Variants in TRIM67 observed in about 807,000 individuals in gnomAD.
The protein encoded by TRIM67 is tripartite motif containing 67, also known as tripartite motif-containing protein 67.
A neutral mutation model predicts 71.0 loss-of-function variants in TRIM67; 39 were observed. The observed-to-expected ratio is 0.55, with a 90% CI of 0.43 to 0.72. The LOEUF (loss-of-function observed/expected upper bound fraction) is 0.72, where lower values mean the gene tolerates loss of function less well. TRIM67 is among the 30% of genes least tolerant of loss of function. TRIM67 has a pLI of 0.00. For missense variants in TRIM67, 973 were observed against 1,079.2 expected (o/e 0.90, Z 1.38); for synonymous variants, 481 against 473.9 (o/e 1.01, Z -0.19).
chr1:231,175,073 T>A (rs1682709821), intron 1 of TRIM67, among the ~76,000 whole-genome samples: 1 of 152,194 alleles, frequency 6.6e-6, no homozygotes, highest in African/African-American at 2.4e-5. Context: ...TCCCACACAA[T>A]AAAGAGAACT....
At chr1:231,214,297 G>A (rs2102766262) in intron 9 of TRIM67, among the ~76,000 whole-genome samples, 1 of 152,270 alleles carries the variant, frequency 6.6e-6, no homozygotes, top group Non-Finnish European at 1.5e-5. Flanking sequence ...AGGGTGTGAG[G>A]AAGGGAGAAA....
At chr1:231,197,897 AGTCTT>A (rs953992181) in intron 2 of TRIM67, among the ~76,000 whole-genome samples, 3 of 152,078 alleles carry the variant, frequency 2.0e-5, no homozygotes, top group Non-Finnish European at 4.4e-5. Flanking sequence ...AGAAAGGAAA[AGTCTT>A]GTAGCAAGCA....
Position 231,219,468 on chromosome 1 carries a change from T to G in TRIM67, c.*4028T>G, listed in dbSNP as rs1406212177. ...GTGACAAAGCTGCCAGCCTTTATCT[T>G]GATACCCAAGCCCAGGATTTTCCAT... is the stretch of plus-strand genomic sequence containing the variant. On this transcript the variant is annotated 3_prime_UTR_variant, in exon 10 of 10. Coordinates refer to ENST00000366653, the MANE Select transcript of TRIM67 (RefSeq NM_001004342.5). 1.9e-6 allele frequency: 2 copies of G among 1,054,450 alleles called. No individual in the cohort carries two copies. Among genetic ancestry groups the G allele is most frequent in the East Asian group, 1.8e-4 (2 of 11,396 alleles). 65.3% of individuals were successfully genotyped at this position (1,054,450 alleles called of 1,614,324 possible).
chr1:231,167,374 G>A (rs1197815555), intron 1 of TRIM67, among the ~76,000 whole-genome samples: 4 of 81,770 alleles, frequency 4.9e-5, no homozygotes, highest in Admixed American at 1.4e-4. Context: ...CCAGGCTGGA[G>A]TGCAGTGGCG....
chr1:231,169,742 C>T (rs1163421439), intron 1 of TRIM67, among the ~76,000 whole-genome samples: 1 of 152,064 alleles, frequency 6.6e-6, no homozygotes, highest in Non-Finnish European at 1.5e-5. Flanking sequence ...AAAGAAGTGC[C>T]TAGGCTGGCT....
In TRIM67 at chr1:231,209,104, G is replaced by C. The variant is rs200420971; in HGVS notation, c.1977G>C (p.Arg659=). Residue 659 remains arginine, a synonymous_variant, in exon 8 of 10, where the codon CGG becomes CGC. Coordinates refer to ENST00000366653, the MANE Select transcript of TRIM67 (RefSeq NM_001004342.5). This position sits in a 1 kb window ranked among gnomAD's most constrained non-coding sequence, Gnocchi z 4.1. ...GVHYWELHVD[R]YDNHPDPAFG... is the part of the protein sequence containing the mutation. The stretch of plus-strand genomic sequence containing the variant: ...ACTACTGGGAGCTGCACGTGGACCG[G>C]TACGACAACCACCCAGACCCCGCCT... The C allele has an allele frequency of 1.7e-5, 28 of 1,613,976 alleles. No homozygotes were observed. The highest frequency in any genetic ancestry group is 2.7e-5 in the African/African-American group (2 of 75,042).
rs1004432722 is a variant in TRIM67, at chr1:231,194,965, A to G, written c.1045-2406A>G. Among the ~76,000 whole-genome samples, 5 of 152,142 alleles carry G rather than the reference A, an allele frequency of 3.3e-5. No homozygotes were observed. In the East Asian group the frequency reaches 9.6e-4, roughly 29 times the overall value. On this transcript the variant is annotated intron_variant, in intron 1 of 9. Coordinates refer to ENST00000366653, the MANE Select transcript of TRIM67 (RefSeq NM_001004342.5). ...GGCTGGTCTTGAACTCTTGGCCTCA[A>G]GCAATTCTCCTGCCTCTGCCTCTGA...
chr1:231,204,528 G>T (rs764033548), intron 6 of TRIM67, among the ~76,000 whole-genome samples: 1 of 152,112 alleles, frequency 6.6e-6, no homozygotes, highest in African/African-American at 2.4e-5. Context: ...GGCAATAAAG[G>T]TTCTTAGTGA....
In TRIM67 at chr1:231,206,814, G is replaced by A. The variant is rs760646735; in HGVS notation, c.1819+24G>A. ...TGGTGAGCATCGGGATCTCTTAGTG[G>A]GAAGAACAGATTCATCATTTTATCC... On this transcript the variant is annotated intron_variant, in intron 7 of 9. Transcript: ENST00000366653. 7.0e-6 allele frequency: 11 copies of A among 1,563,512 alleles called. No homozygotes were observed. The South Asian group carries it at 1.2e-4, about 17-fold the overall frequency.
Position 231,220,233 on chromosome 1 carries a change from C to T in TRIM67, c.*4793C>T, listed in dbSNP as rs1398461698. The T allele has an allele frequency of 1.2e-5, 4 of 320,504 alleles. No homozygotes were observed. The highest frequency in any genetic ancestry group is 2.2e-5 in the African/African-American group (1 of 45,974). 19.9% of individuals were successfully genotyped at this position (320,504 alleles called of 1,614,324 possible). A position where few individuals can be genotyped will look rare whatever the true frequency, so the allele number is the denominator to read the frequency against. ...GCCTCCTTGTGACCAGGGCAAGGAG[C>T]TGCCTGGCCTCCAGTGGGTAAAATA... is the stretch of plus-strand genomic sequence containing the variant. On this transcript the variant is annotated 3_prime_UTR_variant, in exon 10 of 10. Transcript: ENST00000366653.
chr1:231,218,852 C>T lies in TRIM67; in HGVS notation c.*3412C>T. 1 of 985,490 alleles carries T rather than the reference C, an allele frequency of 1.0e-6. No homozygotes were observed. Among genetic ancestry groups the T allele is most frequent in the South Asian group, 4.7e-5 (1 of 21,278 alleles). The allele number at this position is 985,490 out of a possible 1,614,324, so 61.0% of individuals were successfully genotyped here. A position where few individuals can be genotyped will look rare whatever the true frequency, so the allele number is the denominator to read the frequency against. On this transcript the variant is annotated 3_prime_UTR_variant, in exon 10 of 10. Transcript: ENST00000366653. ...GAGAGCTGGGGGCAGGCCCACCCTC[C>T]TCTTTGCGCCCTTTCTCTCCCTCTT...
chr1:231,207,627 G>A (rs1425977810), intron 7 of TRIM67, among the ~76,000 whole-genome samples: 1 of 152,180 alleles, frequency 6.6e-6, no homozygotes, highest in African/African-American at 2.4e-5. Flanking sequence ...GCCACAGCTG[G>A]ATGGTCTCCT....
rs1021756703 is a variant in TRIM67, at chr1:231,219,436, C to T, written c.*3996C>T. ...TCCGGCTGCTTTGTTCCATAGAAAG[C>T]CTGTATGTGACAAAGCTGCCAGCCT... On this transcript the variant is annotated 3_prime_UTR_variant, in exon 10 of 10. Coordinates refer to ENST00000366653, the MANE Select transcript of TRIM67 (RefSeq NM_001004342.5). 20 of 1,033,338 alleles carry T rather than the reference C, an allele frequency of 1.9e-5. No individual in the cohort carries two copies. Among genetic ancestry groups the T allele is most frequent in the Admixed American group, 5.2e-5 (1 of 19,352 alleles). 64.0% of individuals were successfully genotyped at this position (1,033,338 alleles called of 1,614,324 possible).
chr1:231,166,724 G>A (rs2102710615), intron 1 of TRIM67, among the ~76,000 whole-genome samples: 1 of 152,310 alleles, frequency 6.6e-6, no homozygotes, highest in East Asian at 1.9e-4. Context: ...TGATTCTTAA[G>A]TAAAGAGACA....
chr1:231,212,726 AC>A (rs771559510), intron 8 of TRIM67, among the ~76,000 whole-genome samples: 2 of 152,118 alleles, frequency 1.3e-5, no homozygotes, highest in East Asian at 1.9e-4. Context: ...AAAACAAAAA[AC>A]CACCTCAAGG....
intron 1 of TRIM67, among the ~76,000 whole-genome samples, chr1:231,168,380 G>C (rs925532416): frequency 6.6e-6 from 1 of 152,180 alleles, no homozygotes; most frequent in South Asian, 2.1e-4. Context: ...GTCTTTTGCT[G>C]TTACAAACAT....
chr1:231,213,724 G>A (rs1390874226), intron 8 of TRIM67, 91 bp from the exon 9 acceptor site: 28 of 1,433,088 alleles, frequency 2.0e-5, no homozygotes, highest in African/African-American at 7.2e-5. Flanking sequence ...GAGTGAGACC[G>A]TGTCTCTAAA....
In TRIM67 at chr1:231,217,501, G is replaced by A. The variant is rs1308416919; in HGVS notation, c.*2061G>A. ...TGGCCTTTGCTTGGAGCATGGAGAC[G>A]ATCCCTAAAGATTGAGGATGAAGAG... is the stretch of plus-strand genomic sequence containing the variant. On this transcript the variant is annotated 3_prime_UTR_variant, in exon 10 of 10. Transcript: ENST00000366653. 8 of 1,003,504 alleles carry A rather than the reference G, an allele frequency of 8.0e-6. No homozygotes were observed. In the South Asian group the frequency reaches 1.3e-4, roughly 16 times the overall value. The allele number at this position is 1,003,504 out of a possible 1,614,324, so 62.2% of individuals were successfully genotyped here. A position where few individuals can be genotyped will look rare whatever the true frequency, so the allele number is the denominator to read the frequency against.
At position 231,216,118 on chromosome 1, in the gene TRIM67, TCCTC is replaced by T. The variant is rs2102768316; in HGVS notation, c.*680_*683del. Reference sequence around the variant, plus strand: ...AGCCAATTGTGTTCTCTCTCTCTCTTCCTCCATCCTTCATTTCTTCTCCCTCCCT... The same window carrying T: ...AGCCAATTGTGTTCTCTCTCTCTCTTCATCCTTCATTTCTTCTCCCTCCCT... On this transcript the variant is annotated 3_prime_UTR_variant, in exon 10 of 10. Transcript: ENST00000366653. 1.0e-6 allele frequency: 1 copy of T among 982,728 alleles called. No homozygotes were observed. The highest frequency in any genetic ancestry group is 1.1e-4 in the East Asian group (1 of 8,798). 60.9% of individuals were successfully genotyped at this position (982,728 alleles called of 1,614,324 possible).
Sources: allele counts gnomAD v4.1 joint callset (sites outside exome capture counted in the v4.1 genomes callset), GRCh38; gene constraint gnomAD v4.1.1; non-coding constraint Gnocchi (gnomAD v3.1); transcripts MANE v1.5; gene names NCBI Gene and HGNC (gene_info 2026-07-23, HGNC 2026-07-21).